TBC1D15: variants seen among roughly 807,000 people sequenced by gnomAD.
TBC1D15 encodes the protein GAP for RAB7.
In TBC1D15, 39 loss-of-function variants were observed where a neutral mutation model predicts 95.4. That is an observed-to-expected ratio of 0.41 (90% CI 0.32 to 0.53). TBC1D15 has a LOEUF of 0.53. Ranked by LOEUF, TBC1D15 falls within the 20% of genes least tolerant of loss-of-function variation. The pLI is 0.29. For synonymous variants in TBC1D15, 258 were observed against 261.3 expected (o/e 0.99, Z 0.12); for missense variants, 733 against 794.3 (o/e 0.92, Z 0.93).
intron 1 of TBC1D15, chr12:71,849,765 C>T (rs1450470632): frequency 3.6e-6 from 2 of 553,718 alleles, no homozygotes; most frequent in East Asian, 4.4e-5. Flanking sequence ...AACTCTTTCT[C>T]ATCCAGGATC....
chr12:71,903,089 T>C (rs1899820584), intron 10 of TBC1D15, among the ~76,000 whole-genome samples: 1 of 152,136 alleles, frequency 6.6e-6, no homozygotes. Context: ...TTTTAGAATT[T>C]TTTTTTAGAA....
chr12:71,842,884 G>A (rs1885404332), intron 1 of TBC1D15, among the ~76,000 whole-genome samples: 1 of 151,800 alleles, frequency 6.6e-6, no homozygotes. Flanking sequence ...GATTAGAGTG[G>A]GAGAAATGGG....
At chr12:71,910,652 G>T (rs1038096904) in intron 11 of TBC1D15, among the ~76,000 whole-genome samples, 4 of 151,980 alleles carry the variant, frequency 2.6e-5, no homozygotes, top group African/African-American at 9.7e-5. Flanking sequence ...CTCATGATTT[G>T]GCTCTCTGTT....
At chr12:71,920,698 C>G (rs578009922) in intron 14 of TBC1D15, 33 bp from the exon 15 acceptor site, 71 of 1,488,650 alleles carry the variant, frequency 4.8e-5, no homozygotes, top group Non-Finnish European at 5.9e-5. Context: ...AGAATTGATA[C>G]AATTTGCAAA....
In TBC1D15 at chr12:71,876,787, ATT is replaced by A. The variant is rs200390829; in HGVS notation, c.205-3667_205-3666del. On this transcript the variant is annotated intron_variant, in intron 3 of 16. Coordinates refer to ENST00000485960, the MANE Select transcript of TBC1D15 (RefSeq NM_001146213.3). Reference sequence around the variant, plus strand: ...AGTTTGAAAGTAAATTTTCCCGTGGATTTTTTTTTTTTTTTTGAAGTTTTTTT... The same window carrying A: ...AGTTTGAAAGTAAATTTTCCCGTGGATTTTTTTTTTTTTTGAAGTTTTTTT... 2.5e-3 allele frequency among the ~76,000 whole-genome samples: 336 copies of A among 136,166 alleles called. 5 individuals are homozygous for A. The highest frequency in any genetic ancestry group is 2.1e-3 in the African/African-American group (77 of 37,002). 89.3% of individuals were successfully genotyped at this position (136,166 alleles called of 152,430 possible). A position where few individuals can be genotyped will look rare whatever the true frequency, so the allele number is the denominator to read the frequency against.
intron 1 of TBC1D15, among the ~76,000 whole-genome samples, chr12:71,848,027 G>T (rs1886773409): frequency 1.3e-5 from 2 of 152,198 alleles, no homozygotes; most frequent in East Asian, 3.9e-4. Context: ...AATTCAGGAG[G>T]CAGAGGTTGC....
chr12:71,910,783 T>TA (rs1477860754), intron 11 of TBC1D15, among the ~76,000 whole-genome samples: 1 of 152,098 alleles, frequency 6.6e-6, no homozygotes, highest in Non-Finnish European at 1.5e-5. Flanking sequence ...GGGATCTAAT[T>TA]AAACTAAAGA....
intron 1 of TBC1D15, among the ~76,000 whole-genome samples, chr12:71,860,423 A>G (rs1890126948): frequency 6.6e-6 from 1 of 152,110 alleles, no homozygotes; most frequent in Admixed American, 6.6e-5. Context: ...TTAAGTTTTC[A>G]TCAGTGTTTG....
intron 1 of TBC1D15, among the ~76,000 whole-genome samples, chr12:71,844,220 G>A (rs1271404772): frequency 6.6e-6 from 1 of 152,180 alleles, no homozygotes; most frequent in Non-Finnish European, 1.5e-5. Context: ...TGGCCCTGCA[G>A]CCACTTTATT....
At chr12:71,863,017 G>A (rs1890714768) in intron 1 of TBC1D15, among the ~76,000 whole-genome samples, 1 of 152,156 alleles carries the variant, frequency 6.6e-6, no homozygotes, top group African/African-American at 2.4e-5. Flanking sequence ...TTGGCTGGAA[G>A]TATTTTTCTT....
chr12:71,849,495 A>G (rs1234611951), intron 1 of TBC1D15: 3 of 787,852 alleles, frequency 3.8e-6, no homozygotes, highest in Non-Finnish European at 6.9e-6. Flanking sequence ...CATTACTCCA[A>G]AGAGCGAAAG....
chr12:71,904,430 C>T (rs953379868), intron 10 of TBC1D15, among the ~76,000 whole-genome samples: 7 of 151,958 alleles, frequency 4.6e-5, no homozygotes, highest in Non-Finnish European at 1.0e-4. Flanking sequence ...AATGAGCTAG[C>T]AGAGGGAAAA....
chr12:71,864,346 G>C (rs1175140608), intron 1 of TBC1D15, among the ~76,000 whole-genome samples: 1 of 152,142 alleles, frequency 6.6e-6, no homozygotes, highest in South Asian at 2.1e-4. Flanking sequence ...GGGATTACAG[G>C]TGTGAGCTAC....
chr12:71,900,575 C>T lies in TBC1D15; in HGVS notation c.1183+2634C>T, dbSNP rs375466770. Among the ~76,000 whole-genome samples the T allele has an allele frequency of 7.9e-5, 12 of 152,206 alleles. No homozygotes were observed. In the East Asian group the frequency reaches 2.3e-3, roughly 29 times the overall value. On this transcript the variant is annotated intron_variant, in intron 10 of 16. Transcript: ENST00000485960. ...TCAAGCATTCATACACTCATTCATT[C>T]TTTCAATAAGTTATTACTTAGTGCC...
intron 12 of TBC1D15, among the ~76,000 whole-genome samples, chr12:71,917,202 A>G (rs1168112057): frequency 6.6e-6 from 1 of 152,202 alleles, no homozygotes; most frequent in Non-Finnish European, 1.5e-5. Flanking sequence ...GAATTTAAGT[A>G]TGAAATCCAG....
chr12:71,868,646 A>G (rs878890862), intron 1 of TBC1D15, among the ~76,000 whole-genome samples: 1 of 152,234 alleles, frequency 6.6e-6, no homozygotes, highest in East Asian at 1.9e-4. Context: ...AGTGAAAAAA[A>G]ATAGGCAACA....
Position 71,876,791 on chromosome 12 carries a change from T to TTG in TBC1D15, c.205-3677_205-3676insGT, listed in dbSNP as rs201306109. Among the ~76,000 whole-genome samples, 275 of 151,932 alleles carry TTG rather than the reference T, an allele frequency of 1.8e-3. 6 individuals are homozygous for TTG. Among genetic ancestry groups the TTG allele is most frequent in the Admixed American group, 0.017 (256 of 15,240 alleles). ...TGAAAGTAAATTTTCCCGTGGATTT[T>TTG]TTTTTTTTTTTTGAAGTTTTTTTGT... On this transcript the variant is annotated intron_variant, in intron 3 of 16. Transcript: ENST00000485960.
At chr12:71,887,117 C>G (rs947590701) in intron 5 of TBC1D15, among the ~76,000 whole-genome samples, 1 of 152,058 alleles carries the variant, frequency 6.6e-6, no homozygotes, top group Admixed American at 6.5e-5. Flanking sequence ...ATGTGGTATT[C>G]TGTGAGTAAG....
intron 1 of TBC1D15, among the ~76,000 whole-genome samples, chr12:71,855,645 G>A (rs1334920024): frequency 2.2e-5 from 3 of 138,736 alleles, no homozygotes; most frequent in African/African-American, 8.2e-5. Flanking sequence ...TCCAGCCTGG[G>A]TGACAGAGCG....
Sources: gnomAD v4.1 joint callset for allele counts (sites outside exome capture counted in the v4.1 genomes callset) on GRCh38, gnomAD v4.1.1 for gene constraint, MANE v1.5 for transcripts, NCBI Gene and HGNC (gene_info 2026-07-23, HGNC 2026-07-21) for gene names.